The following NHERF1 variants were observed in gnomAD, a reference collection of about 807,000 sequenced individuals.
NHERF1 encodes Na(+)/H(+) exchange regulatory cofactor NHE-RF1.
the NHERF1 span, chr17:74,767,124 T>C: frequency 1.3e-5 from 10 of 769,006 alleles, 1 homozygote; most frequent in Admixed American, 8.0e-5. Context: ...CTCCAAGCTA[T>C]AGAACTGCCA....
chr17:74,768,745 T>A, the NHERF1 span: 153 of 1,164,020 alleles, frequency 1.3e-4, no homozygotes, highest in Non-Finnish European at 1.8e-4. Context: ...CCTGAATCAA[T>A]GTACAAATCA....
At chr17:74,767,228 C>T in the NHERF1 span, among the ~76,000 whole-genome samples, 1 of 152,196 alleles carries the variant, frequency 6.6e-6, no homozygotes, top group African/African-American at 2.4e-5. Context: ...TGACAAGCCC[C>T]CGCCTCCAAC....
At chr17:74,759,809 G>A in the NHERF1 span, among the ~76,000 whole-genome samples, 1 of 152,204 alleles carries the variant, frequency 6.6e-6, no homozygotes, top group African/African-American at 2.4e-5. Context: ...GTGGTGGAAG[G>A]AGGACAGGTT....
chr17:74,768,290 G>A, the NHERF1 span: 3 of 1,444,070 alleles, frequency 2.1e-6, no homozygotes, highest in East Asian at 6.8e-5. Flanking sequence ...CGATTCCCAG[G>A]CCCCACTTGT....
chr17:74,749,262 A>G, the NHERF1 span: 1 of 1,529,532 alleles, frequency 6.5e-7, no homozygotes, highest in Non-Finnish European at 8.7e-7. The surrounding 1 kb of genome is among the most constrained non-coding windows in gnomAD (Gnocchi z 5.6). Flanking sequence ...GAGCCTCGCG[A>G]GGCCGACAAG....
At chr17:74,768,419 C>G in the NHERF1 span, 1 of 1,590,850 alleles carries the variant, frequency 6.3e-7, no homozygotes, top group Non-Finnish European at 8.6e-7. Flanking sequence ...GACCAGGGAG[C>G]CTAATGAGGG....
the NHERF1 span, among the ~76,000 whole-genome samples, chr17:74,764,998 G>A: frequency 6.6e-6 from 1 of 152,164 alleles, no homozygotes; most frequent in Non-Finnish European, 1.5e-5. This position sits in a 1 kb window ranked among gnomAD's most constrained non-coding sequence, Gnocchi z 4.9. Context: ...AGATAACCAG[G>A]AATTTTAAGC....
the NHERF1 span, among the ~76,000 whole-genome samples, chr17:74,750,327 CG>C: frequency 3.3e-5 from 5 of 152,176 alleles, no homozygotes; most frequent in African/African-American, 1.2e-4. Context: ...TAGGGCAGGG[CG>C]TGAGCCTCCC....
At chr17:74,749,150 C>A in the NHERF1 span, 1 of 1,553,536 alleles carries the variant, frequency 6.4e-7, no homozygotes, top group East Asian at 2.3e-5. This position sits in a 1 kb window ranked among gnomAD's most constrained non-coding sequence, Gnocchi z 5.6. Context: ...GCTGCAGAAG[C>A]TCGGCGTCCA....
chr17:74,756,273 C>CTTTCTTTTT, the NHERF1 span, among the ~76,000 whole-genome samples: 4 of 71,992 alleles, frequency 5.6e-5, no homozygotes, highest in African/African-American at 1.7e-4. Flanking sequence ...TTCTTTCTTT[C>CTTTCTTTTT]TTTTTTTTTT....
chr17:74,763,335 G>A, the NHERF1 span: 1 of 1,600,224 alleles, frequency 6.2e-7, no homozygotes, highest in East Asian at 2.2e-5. Context: ...CAAGGCCTGT[G>A]TCCGTAACGC....
At chr17:74,767,921 C>G in the NHERF1 span, 1 of 659,358 alleles carries the variant, frequency 1.5e-6, no homozygotes, top group Non-Finnish European at 2.8e-6. Context: ...CTGTTCCCAT[C>G]CCATCCCTCC....
At chr17:74,766,805 T>TAA in the NHERF1 span, 1 of 860,148 alleles carries the variant, frequency 1.2e-6, no homozygotes, top group Non-Finnish European at 2.0e-6. Context: ...TGGTGGGTGG[T>TAA]AGTCAAAAAA....
At chr17:74,756,430 C>T in the NHERF1 span, among the ~76,000 whole-genome samples, 1 of 151,746 alleles carries the variant, frequency 6.6e-6, no homozygotes. Flanking sequence ...AGGTGTGCAC[C>T]ACCACATATG....
At chr17:74,763,280 G>A in the NHERF1 span, 1 of 1,320,236 alleles carries the variant, frequency 7.6e-7, no homozygotes, top group Non-Finnish European at 1.1e-6. Context: ...GAACCAAGGT[G>A]GTCACCCCTG....
chr17:74,751,842 A>T, the NHERF1 span, among the ~76,000 whole-genome samples: 1 of 152,230 alleles, frequency 6.6e-6, no homozygotes, highest in East Asian at 1.9e-4. This position sits in a 1 kb window ranked among gnomAD's most constrained non-coding sequence, Gnocchi z 4.3. Context: ...GGCTGTGCGA[A>T]GCCAAGTTAC....
At chr17:74,768,768 CCT>C in the NHERF1 span, 1 of 860,970 alleles carries the variant, frequency 1.2e-6, no homozygotes, top group Admixed American at 2.4e-5. Flanking sequence ...ACCCACATCC[CCT>C]TTCTTGACAA....
chr17:74,751,351 G>A, the NHERF1 span, among the ~76,000 whole-genome samples: 13 of 152,218 alleles, frequency 8.5e-5, no homozygotes, highest in Non-Finnish European at 1.6e-4. The surrounding 1 kb of genome is among the most constrained non-coding windows in gnomAD (Gnocchi z 4.3). Context: ...AAACACACCC[G>A]TTTCCTACAT....
the NHERF1 span, chr17:74,763,385 G>A: frequency 1.2e-6 from 2 of 1,614,090 alleles, no homozygotes; most frequent in South Asian, 1.1e-5. Context: ...GGTCTGCATG[G>A]AGGGGAAGCA....
Sources: gnomAD v4.1 joint callset for allele counts (sites outside exome capture counted in the v4.1 genomes callset) on GRCh38, gnomAD v4.1.1 for gene constraint, Gnocchi (gnomAD v3.1) non-coding constraint, MANE v1.5 for transcripts, NCBI Gene and HGNC (gene_info 2026-07-23, HGNC 2026-07-21) for gene names.